AGFG1: variants seen among roughly 807,000 people sequenced by gnomAD.
AGFG1 encodes ArfGAP with FG repeats 1, also known as arf-GAP domain and FG repeat-containing protein 1.
A neutral mutation model predicts 60.6 loss-of-function variants in AGFG1; 10 were observed. The ratio of observed to expected loss-of-function variants is 0.16; its 90% CI spans 0.10 to 0.28. The LOEUF is 0.28. AGFG1 is among the 10% of genes least tolerant of loss of function. AGFG1 has a pLI of 1.00. For missense variants in AGFG1, 537 were observed against 676.5 expected, an observed-to-expected ratio of 0.79 and a Z score of 2.29; for synonymous variants, 247 against 242.9, an observed-to-expected ratio of 1.02 and a Z score of -0.16.
intron 2 of AGFG1, among the ~76,000 whole-genome samples, chr2:227,505,607 T>C (rs2106187859): frequency 6.6e-6 from 1 of 152,322 alleles, no homozygotes; most frequent in South Asian, 2.1e-4. Flanking sequence ...AGATATTGTC[T>C]TTTCCATCTC....
At chr2:227,537,065 C>A in intron 10 of AGFG1, 72 bp downstream of exon 10, 2 of 1,335,118 alleles carry the variant, frequency 1.5e-6, no homozygotes, top group Non-Finnish European at 2.1e-6. Context: ...ATGTGAAGAA[C>A]ACCAGAAAAT....
intron 3 of AGFG1, among the ~76,000 whole-genome samples, 177 bp from the exon 4 acceptor site, chr2:227,523,586 G>A (rs1485807453): frequency 6.6e-6 from 1 of 152,158 alleles, no homozygotes; most frequent in Non-Finnish European, 1.5e-5. Context: ...TTTAATGGGT[G>A]TAGTCTTAAG....
intron 10 of AGFG1, among the ~76,000 whole-genome samples, chr2:227,549,513 C>T (rs911654510): frequency 6.6e-6 from 1 of 152,082 alleles, no homozygotes; most frequent in Non-Finnish European, 1.5e-5. Flanking sequence ...CCTGTAAATA[C>T]CGCTTACCTT....
rs1246835690 is a variant in AGFG1 at position 227,515,991 on chromosome 2, A to G, written c.262-3957A>G. ...CTGAAACACTGTCTGTGTTAAATGA[A>G]TCTTACCCCGTAATAGGCTTACTGG... On this transcript the variant is annotated intron_variant, in intron 2 of 12. Coordinates refer to ENST00000310078, the MANE Select transcript of AGFG1 (RefSeq NM_004504.5). Among the ~76,000 whole-genome samples the G allele has an allele frequency of 2.0e-5, 3 of 152,174 alleles. No individual in the cohort carries two copies. In the East Asian group the frequency reaches 5.8e-4, roughly 29 times the overall value.
At chr2:227,473,940 C>T (rs1247922249) in intron 1 of AGFG1, among the ~76,000 whole-genome samples, 2 of 152,124 alleles carry the variant, frequency 1.3e-5, no homozygotes, top group Non-Finnish European at 2.9e-5. Context: ...TCTCTTGGTT[C>T]TTACAGTCCA....
chr2:227,540,464 C>A (rs958633895), intron 10 of AGFG1, among the ~76,000 whole-genome samples: 1 of 152,090 alleles, frequency 6.6e-6, no homozygotes, highest in African/African-American at 2.4e-5. Flanking sequence ...TCTGTCCTTG[C>A]GATAGTTTGC....
At chr2:227,484,434 G>A (rs944283928) in intron 1 of AGFG1, among the ~76,000 whole-genome samples, 5 of 151,980 alleles carry the variant, frequency 3.3e-5, no homozygotes, top group Non-Finnish European at 4.4e-5. Flanking sequence ...TGATCCACCC[G>A]CCTGCTGGGA....
intron 2 of AGFG1, among the ~76,000 whole-genome samples, chr2:227,500,062 A>C (rs904396921): frequency 1.3e-5 from 2 of 152,218 alleles, no homozygotes; most frequent in Non-Finnish European, 2.9e-5. Flanking sequence ...CATTTTGGCA[A>C]CAGAGTATGC....
At chr2:227,522,880 A>G (rs781367507) in intron 3 of AGFG1, among the ~76,000 whole-genome samples, 9 of 152,166 alleles carry the variant, frequency 5.9e-5, no homozygotes, top group Non-Finnish European at 1.3e-4. Flanking sequence ...CACATAAATC[A>G]TGTGTTTATA....
At chr2:227,522,903 A>T (rs1344261375) in intron 3 of AGFG1, among the ~76,000 whole-genome samples, 1 of 152,212 alleles carries the variant, frequency 6.6e-6, no homozygotes, top group Non-Finnish European at 1.5e-5. Flanking sequence ...ACTGGAATCA[A>T]ATCTGAAAGA....
rs1027816631 is a variant in AGFG1 at position 227,524,906 on chromosome 2, A to T, written c.685A>T (p.Ser229Cys). The change falls in exon 5 of 13, where the codon AGT becomes TGT. Residue 229 changes from serine to cysteine, a missense_variant. Ser to Cys is a moderately radical substitution (Grantham distance 112). Around this residue, in one of 4 missense-constraint regions of AGFG1, gnomAD observed 102 missense variants for 82.9 expected, o/e 1.23. Transcript: ENST00000310078. ...TTTTGCTAACTTTGCACATTTCAAC[A>T]GTCATGCAGGTAAGTGTTTTTTCCC... ...ANFANFAHFN[S>C]HAAQNSANAD... is the part of the protein sequence containing the mutation. 1 of 1,614,094 alleles carries T rather than the reference A, an allele frequency of 6.2e-7. No homozygotes were observed. Among genetic ancestry groups the T allele is most frequent in the Non-Finnish European group, 8.5e-7 (1 of 1,179,944 alleles).
At chr2:227,514,451 C>CG (rs1409264543) in intron 2 of AGFG1, among the ~76,000 whole-genome samples, 1 of 152,074 alleles carries the variant, frequency 6.6e-6, no homozygotes, top group Non-Finnish European at 1.5e-5. Flanking sequence ...CTCCTGACCC[C>CG]GCAAAGTGCT....
Position 227,478,025 on chromosome 2 carries a change from A to T in AGFG1, c.167+5437A>T, listed in dbSNP as rs182310305. 4.6e-5 allele frequency among the ~76,000 whole-genome samples: 7 copies of T among 152,174 alleles called. No homozygotes were observed. In the East Asian group the frequency reaches 1.3e-3, roughly 29 times the overall value. On this transcript the variant is annotated intron_variant, in intron 1 of 12. Coordinates refer to ENST00000310078, the MANE Select transcript of AGFG1 (RefSeq NM_004504.5). ...ATGTGTGTTCTTATTTTTGAGTTTC[A>T]TTGAGAAAATACTGTTGTGTATTCT...
At chr2:227,511,666 G>T (rs1691501412) in intron 2 of AGFG1, among the ~76,000 whole-genome samples, 2 of 152,150 alleles carry the variant, frequency 1.3e-5, no homozygotes, top group South Asian at 4.1e-4. Flanking sequence ...TTTCTATTGT[G>T]CATACATTTG....
intron 2 of AGFG1, among the ~76,000 whole-genome samples, chr2:227,517,789 A>G (rs561252203): frequency 3.9e-5 from 6 of 152,342 alleles, no homozygotes; most frequent in South Asian, 4.1e-4. Flanking sequence ...ATTCTTTAGA[A>G]TAATGTATTT....
chr2:227,472,346 C>T lies in AGFG1; in HGVS notation c.-76C>T. On this transcript the variant is annotated 5_prime_UTR_variant, in exon 1 of 13. Coordinates refer to ENST00000310078, the MANE Select transcript of AGFG1 (RefSeq NM_004504.5). ...GGGCGGCGGCCGCGGCCAGGGCGGC[C>T]CGTGGGACCGCGGGCCCCCGGCGCA... 2.1e-6 allele frequency: 2 copies of T among 949,290 alleles called. No individual in the cohort carries two copies. Among genetic ancestry groups the T allele is most frequent in the Non-Finnish European group, 2.5e-6 (2 of 792,874 alleles). 58.8% of individuals were successfully genotyped at this position (949,290 alleles called of 1,614,324 possible). A position where few individuals can be genotyped will look rare whatever the true frequency, so the allele number is the denominator to read the frequency against.
chr2:227,561,018 G>T lies in AGFG1; in HGVS notation c.*6523G>T, dbSNP rs767856339. On this transcript the variant is annotated 3_prime_UTR_variant, in exon 13 of 13. Transcript: ENST00000310078. ...AGTCAGCAGGGCATGTTTGGAAAATGTTAATACGCCATGATTTTTGAAGAC... is the reference window on the plus strand; with the variant it reads ...AGTCAGCAGGGCATGTTTGGAAAATTTTAATACGCCATGATTTTTGAAGAC... The T allele has an allele frequency of 3.9e-5, 6 of 152,156 alleles. No individual in the cohort carries two copies. The highest frequency in any genetic ancestry group is 4.1e-4 in the South Asian group (2 of 4,834). 9.4% of individuals were successfully genotyped at this position (152,156 alleles called of 1,614,324 possible).
Position 227,530,989 on chromosome 2 carries a change from G to A in AGFG1, c.695-102G>A, listed in dbSNP as rs551393957. 46 of 1,073,538 alleles carry A rather than the reference G, an allele frequency of 4.3e-5. 4 individuals carry two copies. In the South Asian group the frequency reaches 9.5e-4, roughly 22 times the overall value. 66.5% of individuals were successfully genotyped at this position (1,073,538 alleles called of 1,614,324 possible). A position where few individuals can be genotyped will look rare whatever the true frequency, so the allele number is the denominator to read the frequency against. ...GTGAATTCTCTATAAAGTGAGTTTT[G>A]ATACATAGAAACTTTTCATATAATT... is the stretch of plus-strand genomic sequence containing the variant. On this transcript the variant is annotated intron_variant, in intron 5 of 12. Transcript: ENST00000310078.
intron 1 of AGFG1, among the ~76,000 whole-genome samples, chr2:227,487,522 G>C (rs1037419739): frequency 9.9e-5 from 15 of 151,946 alleles, no homozygotes; most frequent in African/African-American, 3.6e-4. Flanking sequence ...TTTCCTCTTT[G>C]GTGTGAAGTG....
Sources: allele counts gnomAD v4.1 joint callset (sites outside exome capture counted in the v4.1 genomes callset), GRCh38; gene constraint gnomAD v4.1.1; regional missense constraint gnomAD v4.1.1; transcripts MANE v1.5; gene names NCBI Gene and HGNC (gene_info 2026-07-23, HGNC 2026-07-21).